Variants in TTN observed in about 807,000 individuals in gnomAD.
The protein encoded by TTN is connectin.
A neutral mutation model predicts 3,223.0 loss-of-function variants in TTN; 1,525 were observed. The observed-to-expected ratio is 0.47, with a 90% CI of 0.45 to 0.49. The LOEUF (loss-of-function observed/expected upper bound fraction) is 0.49, where lower values mean the gene tolerates loss of function less well. Ranked by LOEUF, TTN falls within the 20% of genes least tolerant of loss-of-function variation. TTN has a pLI of 0.00. For synonymous variants in TTN, 14,094 were observed against 15,161.0 expected (o/e 0.93, Z 5.17); for missense variants, 40,786 against 43,424.0 (o/e 0.94, Z 5.40).
rs151265137 is a variant in TTN at position 178,685,833 on chromosome 2, C to T, written c.32312-235G>A. Among the ~76,000 whole-genome samples, 438 of 152,186 alleles carry T rather than the reference C, an allele frequency of 2.9e-3. 2 individuals are homozygous for T. Among genetic ancestry groups the T allele is most frequent in the African/African-American group, 0.01 (418 of 41,522 alleles). Reference sequence around the variant, plus strand: ...TAACTTAATTTTCAAATGTGTCATACAGATAATAATGCTTATATCCACAGC... The same window carrying T: ...TAACTTAATTTTCAAATGTGTCATATAGATAATAATGCTTATATCCACAGC... On this transcript the variant is annotated intron_variant, in intron 127 of 362. Transcript: ENST00000589042.
chr2:178,745,791 C>A, intron 47 of TTN: 1 of 1,613,176 alleles, frequency 6.2e-7, no homozygotes. Flanking sequence ...GAGCCACGAA[C>A]TAAGCACTGA....
chr2:178,558,622 G>C lies in TTN; in HGVS notation c.86837C>G (p.Pro28946Arg). The C allele has an allele frequency of 6.2e-7, 1 of 1,611,084 alleles. No individual in the cohort carries two copies. The highest frequency in any genetic ancestry group is 8.5e-7 in the Non-Finnish European group (1 of 1,179,366). The change falls in exon 327 of 363, where the codon CCT becomes CGT. Residue 28946 changes from proline (P) to arginine (R), a missense_variant. Pro to Arg is a moderately radical substitution (Grantham distance 103, BLOSUM62 -2). Coordinates refer to ENST00000589042, the MANE Select transcript of TTN (RefSeq NM_001267550.2). ...TATACTTGTTACTCCAAGTTTTTCA[G>C]GTGGGCTTGGTTTTTCTAAGAAAAC... ...GVKITEKPSP[P>R]EKLGVTSISK...
At chr2:178,649,680 G>GAT in intron 211 of TTN, 49 bp from the exon 212 acceptor site, 1 of 1,542,980 alleles carries the variant, frequency 6.5e-7, no homozygotes, top group Non-Finnish European at 8.8e-7. Context: ...TGAGATGTAA[G>GAT]ATATACATAC....
Position 178,531,054 on chromosome 2 carries a change from C to T in TTN, c.105561G>A (p.Glu35187=). The T allele has an allele frequency of 6.2e-7, 1 of 1,613,966 alleles. No individual in the cohort carries two copies. The highest frequency in any genetic ancestry group is 8.5e-7 in the Non-Finnish European group (1 of 1,179,890). The change falls in exon 358 of 363, where the codon GAG becomes GAA. Residue 35187 remains glutamate, a synonymous_variant. Coordinates refer to ENST00000589042, the MANE Select transcript of TTN (RefSeq NM_001267550.2). ...CATCGGAAGCCTGGACTGAAGAGAT[C>T]TCAAAGGTTGATTTGTACTTTGTGG... ...VTTTKYKSTF[E]ISSVQASDEG...
At position 178,785,745 on chromosome 2, in the gene TTN, G is replaced by T. The variant is rs781723495; in HGVS notation, c.2371-3C>A. On this transcript the variant is annotated splice_region_variant and splice_polypyrimidine_tract_variant and intron_variant, in intron 14 of 362. Coordinates refer to ENST00000589042, the MANE Select transcript of TTN (RefSeq NM_001267550.2). ...GTTAGATCTGTAGTTTTCTTGATCTGCATTGAAATGAAACTCAGTGATACC... is the reference window on the plus strand; with the variant it reads ...GTTAGATCTGTAGTTTTCTTGATCTTCATTGAAATGAAACTCAGTGATACC... The T allele has an allele frequency of 6.2e-7, 1 of 1,614,144 alleles. No homozygotes were observed. The highest frequency in any genetic ancestry group is 1.6e-4 in the Middle Eastern group (1 of 6,062).
Position 178,620,274 on chromosome 2 carries a change from C to G in TTN, c.46247G>C (p.Arg15416Thr). 1.9e-6 allele frequency: 3 copies of G among 1,546,408 alleles called. No homozygotes were observed. Among genetic ancestry groups the G allele is most frequent in the Non-Finnish European group, 2.6e-6 (3 of 1,149,024 alleles). Residue 15416 changes from arginine (R) to threonine (T), a missense_variant, in exon 248 of 363, where the codon AGA becomes ACA. Coordinates refer to ENST00000589042, the MANE Select transcript of TTN (RefSeq NM_001267550.2). ...GTACCATTTTACATTGGCTTTCTCT[C>G]TGGAGAGCTGGCAGGAGAAGACAGC... ...DDAVFSCQLS[R>T]EKANVKWYRN...
chr2:178,748,393 A>G (rs2084311870), intron 47 of TTN: 4 of 1,613,188 alleles, frequency 2.5e-6, no homozygotes, highest in African/African-American at 1.3e-5. Flanking sequence ...TGGCAAATAC[A>G]TTATTTTGCA....
chr2:178,736,910 A>G (rs1287855192), intron 49 of TTN, among the ~76,000 whole-genome samples: 1 of 152,144 alleles, frequency 6.6e-6, no homozygotes, highest in Admixed American at 6.6e-5. Context: ...AGGGAACCTC[A>G]TCGTTTTCAC....
rs2055191623 is a variant in TTN at position 178,607,540 on chromosome 2, G to A, written c.53148C>T (p.Asp17716=). The change falls in exon 277 of 363, where the codon GAC becomes GAT. Residue 17716 remains aspartate, a synonymous_variant. Coordinates refer to ENST00000589042, the MANE Select transcript of TTN (RefSeq NM_001267550.2). The part of the protein sequence containing the change: ...WTKEEGELDK[D]RVVIDNVGTK... Reference sequence around the variant, plus strand: ...TTCCAACGTTGTCTATTACAACACGGTCTTTATCCAGCTCCCCTTCTTCTT... The same window carrying A: ...TTCCAACGTTGTCTATTACAACACGATCTTTATCCAGCTCCCCTTCTTCTT... 6.2e-7 allele frequency: 1 copy of A among 1,613,182 alleles called. No homozygotes were observed. The highest frequency in any genetic ancestry group is 8.5e-7 in the Non-Finnish European group (1 of 1,179,386).
At position 178,713,883 on chromosome 2, in the gene TTN, A is replaced by G. The variant is rs780868644; in HGVS notation, c.26761+14T>C. On this transcript the variant is annotated intron_variant, in intron 92 of 362. Transcript: ENST00000589042. ...ATTATAATGATGAAGGAAAAGCCCA[A>G]GAAATCAACCAACCTGAAACCTGCA... The G allele has an allele frequency of 6.2e-7, 1 of 1,609,646 alleles. No individual in the cohort carries two copies. Among genetic ancestry groups the G allele is most frequent in the South Asian group, 1.1e-5 (1 of 90,510 alleles).
chr2:178,595,783 A>G lies in TTN; in HGVS notation c.57571T>C (p.Phe19191Leu). 1 of 1,606,500 alleles carries G rather than the reference A, an allele frequency of 6.2e-7. No individual in the cohort carries two copies. The highest frequency in any genetic ancestry group is 8.5e-7 in the Non-Finnish European group (1 of 1,176,456). ...TCATTGGTTAGGTTGTGAGCTAGGA[A>G]TGGTGTTCCAACGGGACCTGGAACA... ...LDVPGPVGTP[F>L]LAHNLTNESC... Residue 19191 changes from phenylalanine (F) to leucine (L), a missense_variant, in exon 295 of 363, where the codon TTC becomes CTC. Physicochemically the swap from Phe to Leu is conservative, Grantham distance 22. Transcript: ENST00000589042.
chr2:178,701,646 CTAAGGTGTGTTTG>C, intron 109 of TTN, 59 bp from the exon 110 acceptor site: 1 of 1,532,406 alleles, frequency 6.5e-7, no homozygotes. Flanking sequence ...TATTAGAAAA[CTAAGGTGTGTTTG>C]ATTTATTAGA....
In TTN at chr2:178,533,349, G is replaced by A. The variant is rs753325104; in HGVS notation, c.103266C>T (p.His34422=). Residue 34422 remains histidine (H), a synonymous_variant, in exon 358 of 363, where the codon CAC becomes CAT. Coordinates refer to ENST00000589042, the MANE Select transcript of TTN (RefSeq NM_001267550.2). ...TGTCTTCAGGCAAAGTGTCCCTGAT[G>A]TGCAGAGCATAATAATCCAAGCCTT... The part of the protein sequence containing the change: ...IHEGLDYYAL[H]IRDTLPEDTG... 9 of 1,613,636 alleles carry A rather than the reference G, an allele frequency of 5.6e-6. No individual in the cohort carries two copies. The Admixed American group carries it at 1.3e-4, about 24-fold the overall frequency.
chr2:178,561,109 T>C lies in TTN; in HGVS notation c.85023A>G (p.Glu28341=). The change falls in exon 326 of 363, where the codon GAA becomes GAG. Residue 28341 remains glutamate (E), a synonymous_variant. Coordinates refer to ENST00000589042, the MANE Select transcript of TTN (RefSeq NM_001267550.2). Reference sequence around the variant, plus strand: ...CTTTAACTATAATAGGCCCAGTGGATTCAGATGGCTCACTAACTGAGTCAG... The same window carrying C: ...CTTTAACTATAATAGGCCCAGTGGACTCAGATGGCTCACTAACTGAGTCAG... The part of the protein sequence containing the change: ...NAADSVSEPS[E]STGPIIVKDD... The C allele has an allele frequency of 6.2e-7, 1 of 1,613,822 alleles. No homozygotes were observed. Among genetic ancestry groups the C allele is most frequent in the Non-Finnish European group, 8.5e-7 (1 of 1,179,810 alleles).
rs191708988 is a variant in TTN, at chr2:178,664,431, C to T, written c.36280+29G>A. On this transcript the variant is annotated intron_variant, in intron 168 of 362. Transcript: ENST00000589042. ...CCTTTCTATCGCCCCACCCACTATC[C>T]CACCATAAAAAGACAGTTAAGAATG... is the stretch of plus-strand genomic sequence containing the variant. The T allele has an allele frequency of 7.3e-3, 11,413 of 1,553,188 alleles. 67 individuals carry two copies. The highest frequency in any genetic ancestry group is 9.2e-3 in the Non-Finnish European group (10,484 of 1,136,600).
At chr2:178,541,129 C>A in intron 350 of TTN, 153 bp downstream of exon 350, 1 of 737,700 alleles carries the variant, frequency 1.4e-6, no homozygotes, top group South Asian at 4.0e-5. Flanking sequence ...GGGAACTTTA[C>A]GGGGTAATAA....
chr2:178,533,234 G>T lies in TTN; in HGVS notation c.103381C>A (p.Gln34461Lys). The change falls in exon 358 of 363, where the codon CAG becomes AAG. Residue 34461 changes from glutamine (Q) to lysine (K), a missense_variant. Gln to Lys is a moderately conservative substitution (Grantham distance 53). Coordinates refer to ENST00000589042, the MANE Select transcript of TTN (RefSeq NM_001267550.2). Reference sequence around the variant, plus strand: ...TGCTCCTCCTTACTCTTGAATTCCTGTTTCTTGTACCTCAGGCGTTCCACT... The same window carrying T: ...TGCTCCTCCTTACTCTTGAATTCCTTTTTCTTGTACCTCAGGCGTTCCACT... ...LQVERLRYKKQEFKSKEEHER... is the reference protein window; with the variant it reads ...LQVERLRYKKKEFKSKEEHER... 1.2e-6 allele frequency: 2 copies of T among 1,613,898 alleles called. No homozygotes were observed. The highest frequency in any genetic ancestry group is 1.7e-6 in the Non-Finnish European group (2 of 1,179,848).
In TTN at chr2:178,689,229, A is replaced by G. The variant is rs185767460; in HGVS notation, c.32011+61T>C. 1.1e-3 allele frequency: 1,771 copies of G among 1,598,308 alleles called. 1 individual carries two copies. The highest frequency in any genetic ancestry group is 1.4e-3 in the Non-Finnish European group (1,684 of 1,173,380). On this transcript the variant is annotated intron_variant, in intron 124 of 362. Coordinates refer to ENST00000589042, the MANE Select transcript of TTN (RefSeq NM_001267550.2). Reference sequence around the variant, plus strand: ...AATACACCCACAGTGCACTCATATCACAAAACTAACAAAATCACTGGAACA... The same window carrying G: ...AATACACCCACAGTGCACTCATATCGCAAAACTAACAAAATCACTGGAACA...
chr2:178,589,065 G>A lies in TTN; in HGVS notation c.62660C>T (p.Pro20887Leu). 1 of 1,609,252 alleles carries A rather than the reference G, an allele frequency of 6.2e-7. No homozygotes were observed. Among genetic ancestry groups the A allele is most frequent in the Non-Finnish European group, 8.5e-7 (1 of 1,179,550 alleles). ...SSDRCTVCWD[P>L]PEDDGGCEIQ... Reference sequence around the variant, plus strand: ...TTCACAGCCACCATCATCTTCTGGTGGATCCCAGCAAACAGTACACCTATC... The same window carrying A: ...TTCACAGCCACCATCATCTTCTGGTAGATCCCAGCAAACAGTACACCTATC... Residue 20887 changes from proline to leucine, a missense_variant, in exon 304 of 363, where the codon CCA (proline) becomes CTA (leucine). Transcript: ENST00000589042.
Sources: gnomAD v4.1 joint callset for allele counts (sites outside exome capture counted in the v4.1 genomes callset) on GRCh38, gnomAD v4.1.1 for gene constraint, MANE v1.5 for transcripts, NCBI Gene and HGNC (gene_info 2026-07-23, HGNC 2026-07-21) for gene names.